ACSL1: variants seen among roughly 807,000 people sequenced by gnomAD.
ACSL1 encodes the protein long-chain-fatty-acid--CoA ligase 1.
A neutral mutation model predicts 98.4 loss-of-function variants in ACSL1; 41 were observed. The observed-to-expected ratio is 0.42, with a 90% CI of 0.32 to 0.54. The LOEUF is 0.54. ACSL1 is among the 20% of genes least tolerant of loss of function. The pLI is 0.13. For synonymous variants in ACSL1, 316 were observed against 322.7 expected, an observed-to-expected ratio of 0.98 and a Z score of 0.22; for missense variants, 734 against 883.1, an observed-to-expected ratio of 0.83 and a Z score of 2.14.
chr4:184,799,980 A>G (rs1312115079), intron 2 of ACSL1, among the ~76,000 whole-genome samples: 1 of 152,216 alleles, frequency 6.6e-6, no homozygotes, highest in African/African-American at 2.4e-5. Flanking sequence ...CCCTAGTTAT[A>G]ATATACAACT....
rs1773395837 is a variant in ACSL1, at chr4:184,825,427, C to T, written c.-33+489G>A. 1.3e-5 allele frequency among the ~76,000 whole-genome samples: 2 copies of T among 152,056 alleles called. No individual in the cohort carries two copies. The highest frequency in any genetic ancestry group is 4.8e-5 in the African/African-American group (2 of 41,420). On this transcript the variant is annotated intron_variant, in intron 1 of 20. Transcript: ENST00000281455. This position sits in a 1 kb window ranked among gnomAD's most constrained non-coding sequence, Gnocchi z 4.7. Reference sequence around the variant, plus strand: ...CTCGTGCCGCCGCGCTGCGTGGGGCCGGCATCTCAGCGGGCGCGAGTGCAG... The same window carrying T: ...CTCGTGCCGCCGCGCTGCGTGGGGCTGGCATCTCAGCGGGCGCGAGTGCAG...
intron 4 of ACSL1, among the ~76,000 whole-genome samples, chr4:184,782,923 G>T (rs1298546566): frequency 6.6e-6 from 1 of 152,178 alleles, no homozygotes; most frequent in African/African-American, 2.4e-5. Context: ...CCCTTCCACA[G>T]ACGCACCCCA....
At chr4:184,800,790 T>C (rs920545017) in intron 2 of ACSL1, among the ~76,000 whole-genome samples, 2 of 152,232 alleles carry the variant, frequency 1.3e-5, no homozygotes, top group Non-Finnish European at 2.9e-5. Flanking sequence ...GTCTGTCCTG[T>C]TCTCTAATTT....
chr4:184,817,824 G>C (rs1456474233), intron 1 of ACSL1, among the ~76,000 whole-genome samples: 1 of 152,280 alleles, frequency 6.6e-6, no homozygotes, highest in South Asian at 2.1e-4. Context: ...CTGCAGGACA[G>C]AGAGGCTTGA....
intron 16 of ACSL1, among the ~76,000 whole-genome samples, 161 bp downstream of exon 16, chr4:184,763,006 C>A (rs141349996): frequency 1.4e-3 from 206 of 152,246 alleles, no homozygotes; most frequent in African/African-American, 4.6e-3. Flanking sequence ...GAGAGCTGAA[C>A]ATAAATGTAC....
intron 2 of ACSL1, among the ~76,000 whole-genome samples, chr4:184,802,567 ATCT>A (rs1331746569): frequency 1.3e-5 from 2 of 152,114 alleles, no homozygotes; most frequent in African/African-American, 4.8e-5. Flanking sequence ...CGGCCTCTTC[ATCT>A]TCTCCACACC....
chr4:184,762,559 C>T (rs1763006847), intron 16 of ACSL1, 36 bp from the exon 17 acceptor site: 1 of 1,586,810 alleles, frequency 6.3e-7, no homozygotes, highest in East Asian at 2.2e-5. Flanking sequence ...ACAGCATTTA[C>T]TGGGGTTTTT....
chr4:184,811,600 A>G (rs1265058890), intron 1 of ACSL1, among the ~76,000 whole-genome samples: 1 of 152,170 alleles, frequency 6.6e-6, no homozygotes, highest in Non-Finnish European at 1.5e-5. Flanking sequence ...ACCTAGAATC[A>G]GCAAATTCAC....
intron 1 of ACSL1, among the ~76,000 whole-genome samples, chr4:184,812,911 C>T (rs1396175415): frequency 6.6e-6 from 1 of 152,112 alleles, no homozygotes; most frequent in African/African-American, 2.4e-5. Context: ...AGCACAAGAT[C>T]CAGAGTCCCA....
Position 184,825,203 on chromosome 4 carries a change from G to T in ACSL1, c.-33+713C>A, listed in dbSNP as rs1267563332. ...CGCCTGTCCCCAGACTCGAATCCAC[G>T]TGTCCATTCAAGTCATCTACCGCCA... On this transcript the variant is annotated intron_variant, in intron 1 of 20. Coordinates refer to ENST00000281455, the MANE Select transcript of ACSL1 (RefSeq NM_001995.5). The surrounding 1 kb of genome is among the most constrained non-coding windows in gnomAD (Gnocchi z 4.7). The T allele has an allele frequency of 4.1e-6, 4 of 985,240 alleles. No homozygotes were observed. The South Asian group carries it at 1.4e-4, about 35-fold the overall frequency. The allele number at this position is 985,240 out of a possible 1,614,324, so 61.0% of individuals were successfully genotyped here.
intron 11 of ACSL1, 181 bp downstream of exon 11, chr4:184,770,218 T>C (rs1323373036): frequency 2.6e-6 from 4 of 1,515,990 alleles, no homozygotes; most frequent in Non-Finnish European, 3.5e-6. Context: ...GAGCAGAGAA[T>C]TCTCTATAGG....
Position 184,766,111 on chromosome 4 carries a change from C to T in ACSL1, c.1264-125G>A. ...ATAGCTGCAGACCACACGGAGGCCA[C>T]ACGGAGAACTCACAGCCCTCATGAT... On this transcript the variant is annotated intron_variant, in intron 13 of 20. Transcript: ENST00000281455. The surrounding 1 kb of genome is among the most constrained non-coding windows in gnomAD (Gnocchi z 4.8). 1 of 811,960 alleles carries T rather than the reference C, an allele frequency of 1.2e-6. No individual in the cohort carries two copies. The highest frequency in any genetic ancestry group is 2.0e-6 in the Non-Finnish European group (1 of 506,076). The allele number at this position is 811,960 out of a possible 1,614,324, so 50.3% of individuals were successfully genotyped here.
chr4:184,791,494 C>A (rs1768354296), intron 2 of ACSL1, among the ~76,000 whole-genome samples: 1 of 152,216 alleles, frequency 6.6e-6, no homozygotes, highest in African/African-American at 2.4e-5. Flanking sequence ...CCTGCTGAAT[C>A]CGAAACTCTG....
chr4:184,760,479 C>T lies in ACSL1; in HGVS notation c.1660G>A (p.Asp554Asn). Residue 554 changes from aspartate to asparagine, a missense_variant, in exon 18 of 21, where the codon GAC (aspartate) becomes AAC (asparagine). Asp to Asn is a conservative substitution (Grantham distance 23). Transcript: ENST00000281455. Reference protein sequence around the residue: ...WLPNGTLKIIDRKKHIFKLAQ... With the variant: ...WLPNGTLKIINRKKHIFKLAQ... ...AGCTTAAATATGTGCTTTTTCCGGTCGATAATTTTCAAGGTGCCATTCTGT... is the reference window on the plus strand; with the variant it reads ...AGCTTAAATATGTGCTTTTTCCGGTTGATAATTTTCAAGGTGCCATTCTGT... 6 of 1,613,854 alleles carry T rather than the reference C, an allele frequency of 3.7e-6. No homozygotes were observed. Among genetic ancestry groups the T allele is most frequent in the South Asian group, 1.1e-5 (1 of 91,022 alleles).
intron 1 of ACSL1, among the ~76,000 whole-genome samples, chr4:184,823,926 T>C (rs976044953): frequency 6.6e-6 from 1 of 152,242 alleles, no homozygotes; most frequent in Non-Finnish European, 1.5e-5. Context: ...ATGAAAACTC[T>C]ACCTGCATGG....
intron 5 of ACSL1, among the ~76,000 whole-genome samples, chr4:184,778,913 C>A (rs1223501505): frequency 6.6e-6 from 1 of 150,562 alleles, no homozygotes; most frequent in African/African-American, 2.4e-5. Flanking sequence ...TGAAAGACCA[C>A]AAAACTCTAA....
intron 4 of ACSL1, among the ~76,000 whole-genome samples, chr4:184,783,128 G>A (rs1362855707): frequency 6.6e-6 from 1 of 152,212 alleles, no homozygotes; most frequent in Non-Finnish European, 1.5e-5. Context: ...GTTCCGGGGT[G>A]CCGTGTGGAC....
chr4:184,776,942 C>T lies in ACSL1; in HGVS notation c.519G>A (p.Val173=), dbSNP rs149266638. ...CAAGGGTATCATAAAGTGGAACGAT[C>T]ACCATCGAATAAGCAAAGCATCCTT... ...IEQGCFAYSM[V]IVPLYDTLGN... Residue 173 remains valine, a synonymous_variant, in exon 6 of 21, where the codon GTG becomes GTA. Transcript: ENST00000281455. 4 of 1,614,122 alleles carry T rather than the reference C, an allele frequency of 2.5e-6. No individual in the cohort carries two copies. Among genetic ancestry groups the T allele is most frequent in the Non-Finnish European group, 3.4e-6 (4 of 1,180,026 alleles).
intron 2 of ACSL1, among the ~76,000 whole-genome samples, chr4:184,796,417 G>A (rs997266974): frequency 3.3e-5 from 5 of 152,148 alleles, no homozygotes; most frequent in African/African-American, 9.7e-5. Flanking sequence ...TGCCAGGATC[G>A]CTTGCCGCAA....
Sources: allele counts gnomAD v4.1 joint callset (sites outside exome capture counted in the v4.1 genomes callset), GRCh38; gene constraint gnomAD v4.1.1; non-coding constraint Gnocchi (gnomAD v3.1); transcripts MANE v1.5; gene names NCBI Gene and HGNC (gene_info 2026-07-23, HGNC 2026-07-21).